Variants in MUC3A observed in about 807,000 individuals in gnomAD.
MUC3A encodes mucin-3A.
MUC3A carries 109 observed loss-of-function variants against 109.0 expected under a neutral mutation model. The ratio of observed to expected loss-of-function variants is 1.00; its 90% confidence interval spans 0.86 to 1.17. The LOEUF is 1.17. Ranked by LOEUF, MUC3A falls within the 50% of genes most tolerant of loss-of-function variation. The pLI, the probability that MUC3A is intolerant of heterozygous loss-of-function variation, is 0.00. For synonymous variants in MUC3A, 1,398 were observed against 981.4 expected (o/e 1.42, Z -7.93); for missense variants, 3,537 against 2,469.4 (o/e 1.43, Z -9.16).
chr7:100,964,455 C>A, intron 5 of MUC3A: 1 of 595,612 alleles, frequency 1.7e-6, no homozygotes, highest in South Asian at 3.5e-5. Flanking sequence ...AAGACTTTGT[C>A]TCTATAAAAC....
At position 100,958,725 on chromosome 7, in the gene MUC3A, A is replaced by T. The variant is rs780364202; in HGVS notation, c.6946A>T (p.Thr2316Ser). 4 of 1,487,798 alleles carry T rather than the reference A, an allele frequency of 2.7e-6. No homozygotes were observed. Among genetic ancestry groups the T allele is most frequent in the Non-Finnish European group, 3.6e-6 (4 of 1,105,718 alleles). 92.2% of individuals were successfully genotyped at this position (1,487,798 alleles called of 1,614,324 possible). A position where few individuals can be genotyped will look rare whatever the true frequency, so the allele number is the denominator to read the frequency against. ...CACTTCTTCGATCACCACCACGGAG[A>T]CCACCTCACACAGTGCTCACAGCTT... Reference protein sequence around the residue: ...SFTSSITTTETTSHSAHSFTS... With the variant: ...SFTSSITTTESTSHSAHSFTS... Residue 2316 changes from threonine (T) to serine (S), a missense_variant, in exon 2 of 12, where the codon ACC becomes TCC. By Grantham distance (58) the Thr-to-Ser change is moderately conservative (BLOSUM62 1). Transcript: ENST00000379458.
rs73163758 is a variant in MUC3A at position 100,960,406 on chromosome 7, G to T, written c.8627G>T (p.Ser2876Ile). ...ACCAGTGAGACCTGGCTGAGCAACA[G>T]TTCTGTGATCCCCCTACCTCTTCCT... ...LPTSETWLSN[S>I]SVIPLPLPGV... Residue 2876 changes from serine to isoleucine, a missense_variant, in exon 2 of 12, where the codon AGT becomes ATT. Transcript: ENST00000379458. The T allele has an allele frequency of 5.0e-6, 8 of 1,598,384 alleles. No homozygotes were observed. The highest frequency in any genetic ancestry group is 1.7e-5 in the Admixed American group (1 of 60,010).
chr7:100,952,045 AAACATTGCTC>A lies in MUC3A; in HGVS notation c.270_279del (p.Leu92GlnfsTer41). 6.3e-7 allele frequency: 1 copy of A among 1,598,690 alleles called. No homozygotes were observed. The highest frequency in any genetic ancestry group is 8.5e-7 in the Non-Finnish European group (1 of 1,179,818). ...TCCCCCCATGACACACTCATCTCTGAAACATTGCTCAACTCTCCAGTCAGTTCCAACACCT... is the reference window on the plus strand; with the variant it reads ...TCCCCCCATGACACACTCATCTCTGAAACTCTCCAGTCAGTTCCAACACCT... On this transcript the variant is annotated frameshift_variant, in exon 2 of 12. Transcript: ENST00000379458. LOFTEE classifies it high-confidence loss of function.
intron 3 of MUC3A, among the ~76,000 whole-genome samples, chr7:100,961,575 C>T (rs36156293): frequency 2.6e-5 from 4 of 151,910 alleles, no homozygotes; most frequent in African/African-American, 7.2e-5. Flanking sequence ...CACCTGTAAT[C>T]CCAGCAGTTT....
rs746698532 is a variant in MUC3A, at chr7:100,959,184, G to A, written c.7405G>A (p.Ala2469Thr). 2 of 1,597,242 alleles carry A rather than the reference G, an allele frequency of 1.3e-6. No individual in the cohort carries two copies. The highest frequency in any genetic ancestry group is 1.7e-6 in the Non-Finnish European group (2 of 1,179,410). Residue 2469 changes from alanine to threonine, a missense_variant, in exon 2 of 12, where the codon GCG becomes ACG. Coordinates refer to ENST00000379458, the MANE Select transcript of MUC3A (RefSeq NM_005960.2). The part of the protein sequence containing the change: ...ITSHFTTSET[A>T]VTPTPVTPSS... ...CTCACATTTTACTACCTCAGAGACT[G>A]CGGTGACTCCCACACCTGTAACCCC... is the stretch of plus-strand genomic sequence containing the variant.
chr7:100,959,843 T>A lies in MUC3A; in HGVS notation c.8064T>A (p.Ile2688=). 6.4e-7 allele frequency: 1 copy of A among 1,570,608 alleles called. No individual in the cohort carries two copies. Among genetic ancestry groups the A allele is most frequent in the Non-Finnish European group, 8.6e-7 (1 of 1,166,118 alleles). The part of the protein sequence containing the change: ...STIIWSSTPT[I]IMSSSPSSAS... ...TCATCTGGTCCTCAACACCCACTAT[T>A]ATCATGTCCTCTTCTCCATCTTCTG... Residue 2688 remains isoleucine (I), a synonymous_variant, in exon 2 of 12, where the codon ATT becomes ATA. Transcript: ENST00000379458.
At chr7:100,962,811 CTCTTTCTTTCTT>C (rs955627924) in intron 3 of MUC3A, among the ~76,000 whole-genome samples, 12 of 126,572 alleles carry the variant, frequency 9.5e-5, no homozygotes, top group Non-Finnish European at 8.9e-5. Flanking sequence ...CTCTCTCTCT[CTCTTTCTTTCTT>C]TCTTTCTTTC....
rs761502362 is a variant in MUC3A at position 100,959,461 on chromosome 7, C to T, written c.7682C>T (p.Thr2561Ile). Residue 2561 changes from threonine (T) to isoleucine (I), a missense_variant, in exon 2 of 12, where the codon ACC becomes ATC. Coordinates refer to ENST00000379458, the MANE Select transcript of MUC3A (RefSeq NM_005960.2). ...ATGACCCTCAGAATTACTGAGAACA[C>T]CCCAATCAGTTCCTTTAGCACAAGT... Reference protein sequence around the residue: ...VRMTLRITENTPISSFSTSIV... With the variant: ...VRMTLRITENIPISSFSTSIV... 4.5e-6 allele frequency: 7 copies of T among 1,569,950 alleles called. No homozygotes were observed. Among genetic ancestry groups the T allele is most frequent in the African/African-American group, 4.0e-5 (3 of 74,176 alleles).
intron 4 of MUC3A, among the ~76,000 whole-genome samples, 163 bp downstream of exon 4, chr7:100,963,429 G>T (rs1301645015): frequency 3.3e-5 from 5 of 152,304 alleles, no homozygotes; most frequent in Non-Finnish European, 7.3e-5. Flanking sequence ...GGGATTACAG[G>T]TGCACACCAT....
In MUC3A at chr7:100,965,730, G is replaced by A; in HGVS notation, c.9475G>A (p.Gly3159Ser). Residue 3159 changes from glycine to serine, a missense_variant, in exon 8 of 12, where the codon GGC becomes AGC. Coordinates refer to ENST00000379458, the MANE Select transcript of MUC3A (RefSeq NM_005960.2). The stretch of plus-strand genomic sequence containing the variant: ...CATCTGCCGCCGCGCCGCTCCCACG[G>A]GCTATGAAGAGTTCTACTTCCCCTT... ...AAICRRAAPT[G>S]YEEFYFPLVE... is the part of the protein sequence containing the mutation. The A allele has an allele frequency of 1.3e-6, 2 of 1,598,270 alleles. No homozygotes were observed. Among genetic ancestry groups the A allele is most frequent in the Non-Finnish European group, 1.7e-6 (2 of 1,179,712 alleles).
rs1792044925 is a variant in MUC3A at position 100,954,238 on chromosome 7, C to T, written c.2459C>T (p.Thr820Ile). ...ISSTVSTGIP[T>I]SQPTTITPSS... is the part of the protein sequence containing the mutation. ...TCTACTGTGAGTACAGGTATCCCTA[C>T]CTCACAACCAACAACCATCACTCCC... Residue 820 changes from threonine (T) to isoleucine (I), a missense_variant, in exon 2 of 12, where the codon ACC becomes ATC. Coordinates refer to ENST00000379458, the MANE Select transcript of MUC3A (RefSeq NM_005960.2). 5 of 464,140 alleles carry T rather than the reference C, an allele frequency of 1.1e-5. No homozygotes were observed. Among genetic ancestry groups the T allele is most frequent in the Non-Finnish European group, 1.9e-5 (5 of 266,378 alleles). The allele number at this position is 464,140 out of a possible 1,614,324, so 28.8% of individuals were successfully genotyped here. A position where few individuals can be genotyped will look rare whatever the true frequency, so the allele number is the denominator to read the frequency against.
At chr7:100,962,636 T>A (rs1429629924) in intron 3 of MUC3A, among the ~76,000 whole-genome samples, 1 of 6,986 alleles carries the variant, frequency 1.4e-4, no homozygotes, top group Non-Finnish European at 2.2e-4. Flanking sequence ...CTCTCTTCTT[T>A]CTTTTCTTCT....
intron 8 of MUC3A, 135 bp from the exon 9 acceptor site, chr7:100,966,251 C>A: frequency 1.4e-5 from 6 of 422,462 alleles, no homozygotes; most frequent in Non-Finnish European, 1.9e-5. Flanking sequence ...GGATTCCCAG[C>A]CCCTTGTCTA....
rs372373779 is a variant in MUC3A at position 100,966,940 on chromosome 7, A to G, written c.9919A>G (p.Thr3307Ala). Residue 3307 changes from threonine (T) to alanine (A), a missense_variant, in exon 11 of 12, where the codon ACC becomes GCC. By Grantham distance (58) the Thr-to-Ala change is moderately conservative. Transcript: ENST00000379458. The stretch of plus-strand genomic sequence containing the variant: ...CTATGTGGCCTTGGAGAACGTGGAC[A>G]CCACTATGAAGGTGAGGGGCTAAAG... ...NFYVALENVD[T>A]TMKVHIKRPE... 3.1e-6 allele frequency: 5 copies of G among 1,598,432 alleles called. No homozygotes were observed. The highest frequency in any genetic ancestry group is 1.7e-5 in the Admixed American group (1 of 60,012).
At chr7:100,963,641 C>T (rs1244320102) in intron 4 of MUC3A, 47 bp from the exon 5 acceptor site, 2 of 1,598,260 alleles carry the variant, frequency 1.3e-6, no homozygotes, top group Non-Finnish European at 1.7e-6. Context: ...TGGGTCCCCT[C>T]AGGTCTGCAG....
rs748630783 is a variant in MUC3A at position 100,960,832 on chromosome 7, C to T, written c.8947C>T (p.Gln2983Ter). 1.7e-5 allele frequency: 27 copies of T among 1,598,518 alleles called. No homozygotes were observed. Among genetic ancestry groups the T allele is most frequent in the Middle Eastern group, 3.3e-4 (2 of 6,060 alleles). Reference sequence around the variant, plus strand: ...GTTTTCTGGGGACCGCTGTCAGCTCCAGACCAGATGCCAGAATGGGGGTCA... The same window carrying T: ...GTTTTCTGGGGACCGCTGTCAGCTCTAGACCAGATGCCAGAATGGGGGTCA... ...PGFSGDRCQLQTRCQNGGQWD... is the reference protein window; with the variant it reads ...PGFSGDRCQL The change falls in exon 3 of 12, where the codon CAG becomes TAG. Residue 2983 changes from glutamine to a stop codon, truncating the protein, a stop_gained. Coordinates refer to ENST00000379458, the MANE Select transcript of MUC3A (RefSeq NM_005960.2). LOFTEE classifies it high-confidence loss of function.
In MUC3A at chr7:100,951,821, C is replaced by A; in HGVS notation, c.62-20C>A. The A allele has an allele frequency of 6.3e-7, 1 of 1,593,160 alleles. No individual in the cohort carries two copies. The highest frequency in any genetic ancestry group is 8.5e-7 in the Non-Finnish European group (1 of 1,175,374). ...CCCACGGATTTACCAGTGGATTCCTCTGCTCTGCCGCCAATGCAGGAACTT... is the reference window on the plus strand; with the variant it reads ...CCCACGGATTTACCAGTGGATTCCTATGCTCTGCCGCCAATGCAGGAACTT... On this transcript the variant is annotated intron_variant, in intron 1 of 11. Transcript: ENST00000379458.
intron 5 of MUC3A, 165 bp downstream of exon 5, chr7:100,963,917 C>T (rs1792430863): frequency 4.1e-6 from 4 of 977,292 alleles, no homozygotes; most frequent in African/African-American, 3.2e-5. Context: ...TTTTCTGGGG[C>T]CATTTATCTG....
chr7:100,965,250 C>T (rs759955368), intron 6 of MUC3A, 32 bp from the exon 7 acceptor site: 28 of 1,595,656 alleles, frequency 1.8e-5, no homozygotes, highest in Non-Finnish European at 2.3e-5. Flanking sequence ...TGATCTGCCC[C>T]GCCCATTCCA....
Sources: gnomAD v4.1 joint callset for allele counts (sites outside exome capture counted in the v4.1 genomes callset) on GRCh38, gnomAD v4.1.1 for gene constraint, MANE v1.5 for transcripts, NCBI Gene and HGNC (gene_info 2026-07-23, HGNC 2026-07-21) for gene names.